Variants in CSMD1 observed in about 807,000 individuals in gnomAD.
CSMD1 encodes the protein CUB and Sushi multiple domains 1.
A neutral mutation model predicts 417.5 loss-of-function variants in CSMD1; 213 were observed. The ratio of observed to expected loss-of-function variants is 0.51; its 90% confidence interval spans 0.46 to 0.57. The LOEUF is 0.57. CSMD1 is among the 20% of genes least tolerant of loss of function. The probability of loss-of-function intolerance (pLI) is 0.00; values close to 1 mark genes in which losing one functional copy is unlikely to be tolerated. For synonymous variants in CSMD1, 2,862 were observed against 1,736.8 expected (o/e 1.65, Z -16.11); for missense variants, 6,923 against 4,529.7 (o/e 1.53, Z -15.17).
intron 6 of CSMD1, among the ~76,000 whole-genome samples, chr8:3,753,064 G>C (rs966338459): frequency 1.3e-5 from 2 of 152,174 alleles, no homozygotes; most frequent in African/African-American, 2.4e-5. Flanking sequence ...CTGCAGCATG[G>C]AGGATGCTGT....
At chr8:3,715,967 C>T (rs1054749102) in intron 6 of CSMD1, among the ~76,000 whole-genome samples, 4 of 152,216 alleles carry the variant, frequency 2.6e-5, no homozygotes, top group East Asian at 1.9e-4. Flanking sequence ...CTCAGATGAA[C>T]GGTTCTCTTT....
intron 1 of CSMD1, among the ~76,000 whole-genome samples, chr8:4,687,651 G>A (rs893338316): frequency 4.6e-5 from 7 of 152,136 alleles, no homozygotes; most frequent in Non-Finnish European, 5.9e-5. Flanking sequence ...AGCTAAATCC[G>A]TGAAGGCTTA....
At chr8:4,721,973 T>C (rs1809086156) in intron 1 of CSMD1, among the ~76,000 whole-genome samples, 1 of 152,012 alleles carries the variant, frequency 6.6e-6, no homozygotes, top group Non-Finnish European at 1.5e-5. Context: ...AAAAACGGAA[T>C]ACAAAGAAAC....
chr8:4,032,381 G>A (rs1797393774), intron 3 of CSMD1, among the ~76,000 whole-genome samples: 2 of 152,128 alleles, frequency 1.3e-5, no homozygotes, highest in Non-Finnish European at 2.9e-5. Context: ...GATAATGTCT[G>A]GATTATATTT....
chr8:3,182,709 TTAG>T (rs145576603), intron 36 of CSMD1, among the ~76,000 whole-genome samples: 31,003 of 95,836 alleles, frequency 0.32, 5,066 homozygotes, highest in Middle Eastern at 0.44. Context: ...GTGTGTATTG[TTAG>T]TAGAGAAGGA....
intron 46 of CSMD1, among the ~76,000 whole-genome samples, chr8:3,103,141 A>G (rs892507343): frequency 2.6e-5 from 4 of 152,238 alleles, no homozygotes; most frequent in Non-Finnish European, 5.9e-5. Flanking sequence ...ATGTCTTTAA[A>G]TAAATACACA....
chr8:3,497,306 T>C (rs1796407694), intron 10 of CSMD1, among the ~76,000 whole-genome samples: 1 of 152,368 alleles, frequency 6.6e-6, no homozygotes, highest in Non-Finnish European at 1.5e-5. Context: ...ATGTTTGCTT[T>C]ATATATCTGG....
At chr8:4,248,302 T>C (rs962930120) in intron 3 of CSMD1, among the ~76,000 whole-genome samples, 1 of 152,122 alleles carries the variant, frequency 6.6e-6, no homozygotes, top group African/African-American at 2.4e-5. Flanking sequence ...AATCTGAATT[T>C]ATATACTAAT....
intron 1 of CSMD1, among the ~76,000 whole-genome samples, chr8:4,913,207 G>A (rs1045512451): frequency 2.6e-5 from 4 of 152,164 alleles, no homozygotes; most frequent in African/African-American, 7.2e-5. Context: ...ACCTAGTAGC[G>A]TTGCTGTTAG....
At chr8:3,525,599 G>A (rs1302151376) in intron 10 of CSMD1, among the ~76,000 whole-genome samples, 1 of 152,166 alleles carries the variant, frequency 6.6e-6, no homozygotes, top group African/African-American at 2.4e-5. Context: ...TCTGTCACTA[G>A]GAGGGCATCG....
Position 3,932,321 on chromosome 8 carries a change from C to A in CSMD1, c.818+65582G>T, listed in dbSNP as rs749662845. On this transcript the variant is annotated intron_variant, in intron 5 of 69. Coordinates refer to ENST00000635120, the MANE Select transcript of CSMD1 (RefSeq NM_033225.6). Reference sequence around the variant, plus strand: ...GCTCAGTTAAACATGTGCTCATGGTCTTTAAACTTTCCCCATTTATTCTGC... The same window carrying A: ...GCTCAGTTAAACATGTGCTCATGGTATTTAAACTTTCCCCATTTATTCTGC... Among the ~76,000 whole-genome samples, 11 of 150,550 alleles carry A rather than the reference C, an allele frequency of 7.3e-5. 1 individual carries two copies. Among genetic ancestry groups the A allele is most frequent in the Non-Finnish European group, 1.3e-4 (9 of 67,558 alleles).
chr8:3,838,539 A>C (rs558487922), intron 5 of CSMD1, among the ~76,000 whole-genome samples: 2 of 123,480 alleles, frequency 1.6e-5, no homozygotes, highest in Admixed American at 7.9e-5. Context: ...TATATAGTCT[A>C]TATATGTACT....
chr8:4,514,361 G>A (rs753189500), intron 2 of CSMD1, among the ~76,000 whole-genome samples: 7 of 152,102 alleles, frequency 4.6e-5, no homozygotes, highest in Non-Finnish European at 8.8e-5. Context: ...CAGATCAGAA[G>A]TAAAATACCT....
intron 5 of CSMD1, among the ~76,000 whole-genome samples, chr8:3,778,005 G>C (rs1798985100): frequency 6.6e-6 from 1 of 152,222 alleles, no homozygotes; most frequent in South Asian, 2.1e-4. Flanking sequence ...CTCCAGACCT[G>C]CAGCCTAAGA....
rs187539063 is a variant in CSMD1, at chr8:4,633,016, G to A, written c.302+4326C>T. ...ATCATGGACTTTCTTGAATTTCAGG[G>A]TCATGGGTACTAGAACTGTTTATGT... On this transcript the variant is annotated intron_variant, in intron 2 of 69. Transcript: ENST00000635120. Among the ~76,000 whole-genome samples, 531 of 152,180 alleles carry A rather than the reference G, an allele frequency of 3.5e-3. 8 individuals carry two copies. The highest frequency in any genetic ancestry group is 0.011 in the African/African-American group (473 of 41,522).
At chr8:4,949,100 T>C (rs1242538109) in intron 1 of CSMD1, among the ~76,000 whole-genome samples, 1 of 152,162 alleles carries the variant, frequency 6.6e-6, no homozygotes, top group African/African-American at 2.4e-5. Flanking sequence ...AACTTTAATC[T>C]GTAAATGTGG....
At chr8:4,398,629 T>C (rs2128927834) in intron 3 of CSMD1, among the ~76,000 whole-genome samples, 1 of 152,182 alleles carries the variant, frequency 6.6e-6, no homozygotes, top group Non-Finnish European at 1.5e-5. Context: ...TCTCCTGACC[T>C]CCTGATCTGC....
intron 12 of CSMD1, among the ~76,000 whole-genome samples, chr8:3,411,972 A>G (rs140874838): frequency 0.62 from 3,284 of 5,260 alleles, 1,030 homozygotes; most frequent in Middle Eastern, 0.83. Flanking sequence ...ATATGCACGT[A>G]TATATACACG....
intron 1 of CSMD1, among the ~76,000 whole-genome samples, chr8:4,880,084 T>G (rs1423645307): frequency 6.6e-6 from 1 of 152,130 alleles, no homozygotes; most frequent in Non-Finnish European, 1.5e-5. Flanking sequence ...TTATTAGTTT[T>G]GGCCGTTGTA....
Sources: allele counts gnomAD v4.1 joint callset (sites outside exome capture counted in the v4.1 genomes callset), GRCh38; gene constraint gnomAD v4.1.1; transcripts MANE v1.5; gene names NCBI Gene and HGNC (gene_info 2026-07-23, HGNC 2026-07-21).